FBXO6: variants seen among roughly 807,000 people sequenced by gnomAD.
FBXO6 encodes the protein F-box only protein 6.
A neutral mutation model predicts 25.0 loss-of-function variants in FBXO6; 13 were observed. The observed-to-expected ratio is 0.52, with a 90% CI of 0.34 to 0.83. The LOEUF is 0.83. Ranked by LOEUF, FBXO6 falls within the 40% of genes least tolerant of loss-of-function variation. The pLI is 0.02. For synonymous variants in FBXO6, 138 were observed against 155.3 expected (o/e 0.89, Z 0.83); for missense variants, 370 against 380.2 (o/e 0.97, Z 0.22).
At chr1:11,666,506 T>G (rs1439288874) in intron 1 of FBXO6, among the ~76,000 whole-genome samples, 1 of 151,744 alleles carries the variant, frequency 6.6e-6, no homozygotes, top group East Asian at 1.9e-4. Context: ...CTCAGCCTCC[T>G]GAGTAGCTGA....
chr1:11,665,653 C>A (rs564229182), intron 1 of FBXO6, among the ~76,000 whole-genome samples: 3 of 148,252 alleles, frequency 2.0e-5, no homozygotes, highest in Admixed American at 6.7e-5. Flanking sequence ...CTCCGCTTCC[C>A]GGGTTCAGGT....
chr1:11,668,814 C>G lies in FBXO6; in HGVS notation c.156C>G (p.Thr52=). The G allele has an allele frequency of 6.2e-7, 1 of 1,614,164 alleles. No homozygotes were observed. Among genetic ancestry groups the G allele is most frequent in the Non-Finnish European group, 8.5e-7 (1 of 1,180,032 alleles). ...SLWRDLIDLM[T]LWKRKCLREG... ...GGCGGGACCTCATCGACCTCATGAC[C>G]CTCTGGAAACGCAAGTGCCTGCGAG... is the stretch of plus-strand genomic sequence containing the variant. Residue 52 remains threonine, a synonymous_variant, in exon 2 of 6, where the codon ACC becomes ACG. Coordinates refer to ENST00000376753, the MANE Select transcript of FBXO6 (RefSeq NM_018438.6).
rs564562821 is a variant in FBXO6 at position 11,672,156 on chromosome 1, G to A, written c.509+133G>A. The A allele has an allele frequency of 6.0e-4, 455 of 760,930 alleles. 2 individuals carry two copies. The Middle Eastern group carries it at 0.012, about 20-fold the overall frequency. 47.1% of individuals were successfully genotyped at this position (760,930 alleles called of 1,614,324 possible). A position where few individuals can be genotyped will look rare whatever the true frequency, so the allele number is the denominator to read the frequency against. ...CTGGAGCCAGGTAGCCCCGGCCTCC[G>A]CCCCTGCTCTGCACCCACACCCTGC... On this transcript the variant is annotated intron_variant, in intron 4 of 5. Coordinates refer to ENST00000376753, the MANE Select transcript of FBXO6 (RefSeq NM_018438.6).
In FBXO6 at chr1:11,673,131, G is replaced by A. The variant is rs1050854507; in HGVS notation, c.510-146G>A. The A allele has an allele frequency of 1.8e-5, 18 of 977,572 alleles. No individual in the cohort carries two copies. Among genetic ancestry groups the A allele is most frequent in the Admixed American group, 9.0e-5 (3 of 33,476 alleles). The allele number at this position is 977,572 out of a possible 1,614,324, so 60.6% of individuals were successfully genotyped here. On this transcript the variant is annotated intron_variant, in intron 4 of 5. Transcript: ENST00000376753. The surrounding 1 kb of genome is among the most constrained non-coding windows in gnomAD (Gnocchi z 4.3). ...CGGGCCACAGTGGGGCATAGGGAGC[G>A]CTGAAGCCAGCTGGGCCTTGCAGGC... is the stretch of plus-strand genomic sequence containing the variant.
chr1:11,671,389 A>G lies in FBXO6; in HGVS notation c.410A>G (p.Tyr137Cys). 1 of 1,613,782 alleles carries G rather than the reference A, an allele frequency of 6.2e-7. No homozygotes were observed. Among genetic ancestry groups the G allele is most frequent in the Non-Finnish European group, 8.5e-7 (1 of 1,179,696 alleles). ...GTCAAGAAGTATTTTGTCACATCCT[A>G]CGAGTAAGGCAAACTGAACCTACCA... is the stretch of plus-strand genomic sequence containing the variant. Reference protein sequence around the residue: ...PKVKKYFVTSYEMCLKSQLVD... With the variant: ...PKVKKYFVTSCEMCLKSQLVD... Residue 137 changes from tyrosine (Y) to cysteine (C), a missense_variant, in exon 3 of 6, where the codon TAC becomes TGC. Coordinates refer to ENST00000376753, the MANE Select transcript of FBXO6 (RefSeq NM_018438.6).
At chr1:11,671,571 C>T (rs1011381643) in intron 3 of FBXO6, among the ~76,000 whole-genome samples, 179 bp downstream of exon 3, 22 of 152,170 alleles carry the variant, frequency 1.4e-4, no homozygotes, top group African/African-American at 5.1e-4. Flanking sequence ...TGTTAATGGA[C>T]AGTGGGGGTG....
intron 1 of FBXO6, among the ~76,000 whole-genome samples, chr1:11,666,384 C>CTTT (rs1240116498): frequency 1.5e-5 from 2 of 133,208 alleles, no homozygotes; most frequent in Non-Finnish European, 3.3e-5. Flanking sequence ...TTTTTCTTTT[C>CTTT]TTTTTTTTTT....
At chr1:11,667,836 T>G (rs1054922617) in intron 1 of FBXO6, among the ~76,000 whole-genome samples, 8 of 152,138 alleles carry the variant, frequency 5.3e-5, no homozygotes, top group Admixed American at 1.3e-4. Context: ...CTCACGCCTG[T>G]AATCCCAGCA....
At chr1:11,667,546 C>G (rs1302337754) in intron 1 of FBXO6, among the ~76,000 whole-genome samples, 2 of 152,148 alleles carry the variant, frequency 1.3e-5, no homozygotes, top group Non-Finnish European at 2.9e-5. Flanking sequence ...CCCAACTGGT[C>G]ACTGCAGACC....
At chr1:11,671,233 A>AG in intron 2 of FBXO6, 33 bp from the exon 3 acceptor site, 1 of 1,606,048 alleles carries the variant, frequency 6.2e-7, no homozygotes, top group Middle Eastern at 1.9e-4. Context: ...GGATTTACAC[A>AG]GGGGGTCTCA....
intron 2 of FBXO6, 141 bp from the exon 3 acceptor site, chr1:11,671,125 G>C (rs980299734): frequency 6.5e-5 from 68 of 1,050,348 alleles, no homozygotes; most frequent in Non-Finnish European, 9.1e-5. Flanking sequence ...CAGCCGCAGA[G>C]ACCTGAGCAT....
intron 1 of FBXO6, among the ~76,000 whole-genome samples, chr1:11,668,145 A>C (rs1039136485): frequency 5.3e-5 from 8 of 152,164 alleles, no homozygotes; most frequent in African/African-American, 1.9e-4. Context: ...GAGCATTAAA[A>C]TAACAATCAC....
intron 1 of FBXO6, among the ~76,000 whole-genome samples, chr1:11,666,591 C>A (rs909824760): frequency 1.4e-4 from 21 of 150,664 alleles, no homozygotes; most frequent in Non-Finnish European, 2.4e-4. Context: ...ACTGTGTTGG[C>A]CAGGCTGGTC....
rs1356489202 is a variant in FBXO6, at chr1:11,673,838, T to A, written c.869T>A (p.Val290Asp). The A allele has an allele frequency of 2.5e-6, 4 of 1,613,836 alleles. No individual in the cohort carries two copies. The highest frequency in any genetic ancestry group is 3.4e-6 in the Non-Finnish European group (4 of 1,179,970). The change falls in exon 6 of 6, where the codon GTC (valine) becomes GAC (aspartate). Residue 290 changes from valine to aspartate, a missense_variant. Coordinates refer to ENST00000376753, the MANE Select transcript of FBXO6 (RefSeq NM_018438.6). The surrounding 1 kb of genome is among the most constrained non-coding windows in gnomAD (Gnocchi z 4.3). ...GCCCAATCGCCCTACCGAGCTGTTG[T>A]CCAGATTTTCTGACAGCTGTCCATC... is the stretch of plus-strand genomic sequence containing the variant. Reference protein sequence around the residue: ...EAAQSPYRAVVQIF With the variant: ...EAAQSPYRAVDQIF
At chr1:11,669,435 G>A (rs181459436) in intron 2 of FBXO6, among the ~76,000 whole-genome samples, 1 of 151,224 alleles carries the variant, frequency 6.6e-6, no homozygotes, top group African/African-American at 2.4e-5. Context: ...TTGCACTCCA[G>A]CCTGGGTGAC....
intron 2 of FBXO6, among the ~76,000 whole-genome samples, chr1:11,670,643 G>A (rs919430837): frequency 6.6e-6 from 1 of 151,594 alleles, no homozygotes. Flanking sequence ...AAAAAAGGGG[G>A]GGGGGGTGTC....
chr1:11,668,824 C>G lies in FBXO6; in HGVS notation c.166C>G (p.Arg56Gly). The G allele has an allele frequency of 6.2e-7, 1 of 1,614,178 alleles. No individual in the cohort carries two copies. Among genetic ancestry groups the G allele is most frequent in the Non-Finnish European group, 8.5e-7 (1 of 1,180,038 alleles). Residue 56 changes from arginine to glycine, a missense_variant, in exon 2 of 6, where the codon CGC (arginine) becomes GGC (glycine). Coordinates refer to ENST00000376753, the MANE Select transcript of FBXO6 (RefSeq NM_018438.6). ...DLIDLMTLWK[R>G]KCLREGFITK... ...CATCGACCTCATGACCCTCTGGAAA[C>G]GCAAGTGCCTGCGAGAGGGCTTCAT...
intron 3 of FBXO6, 141 bp from the exon 4 acceptor site, chr1:11,671,787 G>T (rs1463522257): frequency 1.4e-6 from 1 of 734,746 alleles, no homozygotes; most frequent in Non-Finnish European, 2.4e-6. Flanking sequence ...GCCCCAGCCA[G>T]TGCCTGTCCC....
chr1:11,671,501 C>T (rs906449978), intron 3 of FBXO6, 109 bp downstream of exon 3: 39 of 1,491,260 alleles, frequency 2.6e-5, no homozygotes, highest in Non-Finnish European at 3.4e-5. Context: ...CTGCGAAGCT[C>T]GAGGGAGGTG....
Sources: allele counts gnomAD v4.1 joint callset (sites outside exome capture counted in the v4.1 genomes callset), GRCh38; gene constraint gnomAD v4.1.1; non-coding constraint Gnocchi (gnomAD v3.1); transcripts MANE v1.5; gene names NCBI Gene and HGNC (gene_info 2026-07-23, HGNC 2026-07-21).